ATP13A3: variants seen among roughly 807,000 people sequenced by gnomAD.
ATP13A3 encodes polyamine-transporting ATPase 13A3.
In ATP13A3, 59 loss-of-function variants were observed where a neutral mutation model predicts 158.1. The ratio of observed to expected loss-of-function variants is 0.37; its 90% CI spans 0.30 to 0.46. The LOEUF is 0.46. ATP13A3 is among the 20% of genes least tolerant of loss of function. The probability of loss-of-function intolerance (pLI) is 1.00; values close to 1 mark genes in which losing one functional copy is unlikely to be tolerated. For synonymous variants in ATP13A3, 491 were observed against 504.3 expected (o/e 0.97, Z 0.35); for missense variants, 1,166 against 1,525.2 (o/e 0.76, Z 3.92).
rs184974138 is a variant in ATP13A3, at chr3:194,419,138, T to C, written c.3402+741A>G. ...CTATACAGCAATGAAAATAAAATAA[T>C]GTATCAACAAACAATGTTGATGGGA... is the stretch of plus-strand genomic sequence containing the variant. On this transcript the variant is annotated intron_variant, in intron 31 of 33. Coordinates refer to ENST00000645319, the MANE Select transcript of ATP13A3 (RefSeq NM_001367549.1). 2.1e-3 allele frequency among the ~76,000 whole-genome samples: 315 copies of C among 152,196 alleles called. 2 individuals carry two copies. The highest frequency in any genetic ancestry group is 7.3e-3 in the African/African-American group (303 of 41,524).
intron 15 of ATP13A3, 31 bp downstream of exon 15, chr3:194,444,690 AAACT>A: frequency 2.0e-6 from 3 of 1,516,396 alleles, no homozygotes; most frequent in Middle Eastern, 1.8e-4. Flanking sequence ...TATTAAAAAT[AAACT>A]AATAAACTAT....
rs1717739184 is a variant in ATP13A3, at chr3:194,437,527, TTAGTAAGAAG to T, written c.1845+19_1845+28del. On this transcript the variant is annotated intron_variant, in intron 18 of 33. Coordinates refer to ENST00000645319, the MANE Select transcript of ATP13A3 (RefSeq NM_001367549.1). ...TCTTAAAGAATCAAAACAAATATAC[TTAGTAAGAAG>T]TAAACATTCTTCACTTACTGGAAGT... The T allele has an allele frequency of 1.2e-6, 2 of 1,611,970 alleles. No individual in the cohort carries two copies. The highest frequency in any genetic ancestry group is 1.3e-5 in the African/African-American group (1 of 74,768).
At chr3:194,415,476 G>A (rs1715766298) in intron 31 of ATP13A3, among the ~76,000 whole-genome samples, 1 of 152,122 alleles carries the variant, frequency 6.6e-6, no homozygotes, top group Admixed American at 6.5e-5. Flanking sequence ...GAAATATGCA[G>A]GGAAACAGAC....
At position 194,419,867 on chromosome 3, in the gene ATP13A3, C is replaced by G; in HGVS notation, c.3402+12G>C. The G allele has an allele frequency of 6.4e-7, 1 of 1,559,216 alleles. No individual in the cohort carries two copies. The highest frequency in any genetic ancestry group is 1.7e-4 in the Middle Eastern group (1 of 5,914). Reference sequence around the variant, plus strand: ...TCTTTTTCCCCAAACAAATGATGTGCTTAAGTCTTACCTGAAGAACCTGGT... The same window carrying G: ...TCTTTTTCCCCAAACAAATGATGTGGTTAAGTCTTACCTGAAGAACCTGGT... On this transcript the variant is annotated intron_variant, in intron 31 of 33. Coordinates refer to ENST00000645319, the MANE Select transcript of ATP13A3 (RefSeq NM_001367549.1).
chr3:194,421,943 G>GAAAAAAAAAAAAAAAAAAAAA (rs1400737766), intron 30 of ATP13A3, among the ~76,000 whole-genome samples: 1 of 69,146 alleles, frequency 1.4e-5, no homozygotes, highest in African/African-American at 2.3e-4. Context: ...TGTGTCGTTG[G>GAAAAAAAAAAAAAAAAAAAAA]CAAAAAAAAA....
intron 30 of ATP13A3, among the ~76,000 whole-genome samples, chr3:194,424,931 C>T (rs763362715): frequency 6.6e-6 from 1 of 152,190 alleles, no homozygotes; most frequent in Non-Finnish European, 1.5e-5. Flanking sequence ...ATAATACCTA[C>T]TGTTCCAACT....
At position 194,425,395 on chromosome 3, in the gene ATP13A3, A is replaced by C. The variant is rs1034668076; in HGVS notation, c.3260T>G (p.Val1087Gly). ...TTTTCCTTTTGAAAAGGCAATTGCC[A>C]CTATGAGGTACTGAAAACTGGAAAT... The part of the protein sequence containing the change: ...FFISSFQYLI[V>G]AIAFSKGKPF... The change falls in exon 30 of 34, where the codon GTG becomes GGG. Residue 1087 changes from valine to glycine, a missense_variant. Physicochemically the swap from Val to Gly is moderately radical, Grantham distance 109. This residue lies in a region of ATP13A3 where 997 missense variants were observed against 1,341.2 expected (regional missense o/e 0.74). Transcript: ENST00000645319. 1 of 1,613,082 alleles carries C rather than the reference A, an allele frequency of 6.2e-7. No homozygotes were observed. Among genetic ancestry groups the C allele is most frequent in the Non-Finnish European group, 8.5e-7 (1 of 1,179,686 alleles).
At chr3:194,434,362 G>C (rs1357813723) in intron 20 of ATP13A3, among the ~76,000 whole-genome samples, 1 of 152,210 alleles carries the variant, frequency 6.6e-6, no homozygotes, top group Non-Finnish European at 1.5e-5. Flanking sequence ...CCAACAATGA[G>C]ATCTACTTGG....
chr3:194,422,654 T>C (rs1008677096), intron 30 of ATP13A3, among the ~76,000 whole-genome samples: 1 of 152,140 alleles, frequency 6.6e-6, no homozygotes, highest in Non-Finnish European at 1.5e-5. Context: ...CTGTTCATGA[T>C]ACCAGATGCC....
intron 6 of ATP13A3, chr3:194,459,048 C>A (rs1703607797): frequency 6.3e-6 from 1 of 159,110 alleles, no homozygotes; most frequent in South Asian, 1.9e-4. Context: ...TTGCCCCATT[C>A]TTTATCTACA....
chr3:194,425,629 A>C (rs1437889010), intron 29 of ATP13A3, 100 bp from the exon 30 acceptor site: 2 of 898,448 alleles, frequency 2.2e-6, no homozygotes, highest in East Asian at 5.0e-5. Flanking sequence ...TATCATAACA[A>C]ATAGAAATAT....
intron 2 of ATP13A3, among the ~76,000 whole-genome samples, chr3:194,476,328 T>C (rs1312275549): frequency 6.6e-6 from 1 of 152,200 alleles, no homozygotes; most frequent in Non-Finnish European, 1.5e-5. Flanking sequence ...TTTTCAGCAC[T>C]AATCTCTCAT....
intron 2 of ATP13A3, among the ~76,000 whole-genome samples, chr3:194,480,754 A>G (rs1348734938): frequency 1.3e-5 from 2 of 152,146 alleles, no homozygotes; most frequent in East Asian, 3.9e-4. Context: ...AACTACTTAC[A>G]CTCTGGGGGG....
rs773535658 is a variant in ATP13A3, at chr3:194,437,149, G to C, written c.2066C>G (p.Ala689Gly). The change falls in exon 20 of 34, where the codon GCA (alanine) becomes GGA (glycine). Residue 689 changes from alanine to glycine, a missense_variant. Physicochemically the swap from Ala to Gly is moderately conservative, Grantham distance 60 (BLOSUM62 0). Around this residue, in one of 3 missense-constraint regions of ATP13A3, gnomAD observed 997 missense variants for 1,341.2 expected, o/e 0.74. Coordinates refer to ENST00000645319, the MANE Select transcript of ATP13A3 (RefSeq NM_001367549.1). ...TKQGFRVIAL[A>G]HRKLESKLTW... ...CAGTTTTGACTCCAATTTTCTGTGT[G>C]CAAGAGCAATCACACGGAAGCCCTG... 1 of 1,614,064 alleles carries C rather than the reference G, an allele frequency of 6.2e-7. No individual in the cohort carries two copies. The highest frequency in any genetic ancestry group is 1.3e-5 in the African/African-American group (1 of 75,036).
At chr3:194,482,768 T>C (rs1720801577) in intron 2 of ATP13A3, among the ~76,000 whole-genome samples, 1 of 150,122 alleles carries the variant, frequency 6.7e-6, no homozygotes, top group South Asian at 2.1e-4. Context: ...AGGCCAGGAG[T>C]TCTGAGACAA....
chr3:194,445,698 A>G (rs1313580750), intron 14 of ATP13A3, among the ~76,000 whole-genome samples: 1 of 152,216 alleles, frequency 6.6e-6, no homozygotes, highest in Non-Finnish European at 1.5e-5. Context: ...TTTTTTTCTA[A>G]CAGAACATGT....
At chr3:194,453,317 G>A (rs1310225800) in intron 10 of ATP13A3, among the ~76,000 whole-genome samples, 2 of 149,486 alleles carry the variant, frequency 1.3e-5, no homozygotes, top group Non-Finnish European at 3.0e-5. Context: ...CGGGTGCACA[G>A]TGCAGTGGCT....
chr3:194,437,004 T>C (rs1364370265), intron 20 of ATP13A3, 91 bp downstream of exon 20: 1 of 1,408,700 alleles, frequency 7.1e-7, no homozygotes, highest in Non-Finnish European at 9.7e-7. Context: ...ATACATTCAA[T>C]AAATACTCAA....
In ATP13A3 at chr3:194,450,253, C is replaced by T. The variant is rs746412654; in HGVS notation, c.862G>A (p.Asp288Asn). The part of the protein sequence containing the change: ...NEEIEEIFST[D>N]LVPGDVMVIP... ...ACCATGACATCTCCTGGCACAAGGT[C>T]GGTAGAAAAGATTTCTTCTATTTCT... Residue 288 changes from aspartate to asparagine, a missense_variant, in exon 11 of 34, where the codon GAC becomes AAC. Physicochemically the swap from Asp to Asn is conservative, Grantham distance 23 (BLOSUM62 1). This residue lies in a region of ATP13A3 where 997 missense variants were observed against 1,341.2 expected (regional missense o/e 0.74). Transcript: ENST00000645319. 18 of 1,611,882 alleles carry T rather than the reference C, an allele frequency of 1.1e-5. No homozygotes were observed. The highest frequency in any genetic ancestry group is 1.7e-5 in the Admixed American group (1 of 59,914).
Sources: gnomAD v4.1 joint callset for allele counts (sites outside exome capture counted in the v4.1 genomes callset) on GRCh38, gnomAD v4.1.1 for gene constraint, gnomAD v4.1.1 regional missense constraint, MANE v1.5 for transcripts, NCBI Gene and HGNC (gene_info 2026-07-23, HGNC 2026-07-21) for gene names.